Variants in NDST4 observed in about 807,000 individuals in gnomAD.
NDST4 encodes N-heparan sulfate sulfotransferase 4.
A neutral mutation model predicts 100.8 loss-of-function variants in NDST4; 63 were observed. The ratio of observed to expected loss-of-function variants is 0.62; its 90% CI spans 0.51 to 0.77. The LOEUF is 0.77. Ranked by LOEUF, NDST4 falls within the 30% of genes least tolerant of loss-of-function variation. The pLI, the probability that NDST4 is intolerant of heterozygous loss-of-function variation, is 0.00. For missense variants in NDST4, 943 were observed against 1,018.4 expected, an observed-to-expected ratio of 0.93 and a Z score of 1.01; for synonymous variants, 377 against 361.8, an observed-to-expected ratio of 1.04 and a Z score of -0.48.
At chr4:115,067,400 T>C (rs1578496052) in intron 2 of NDST4, among the ~76,000 whole-genome samples, 1 of 152,290 alleles carries the variant, frequency 6.6e-6, no homozygotes, top group Admixed American at 6.5e-5. Flanking sequence ...TTTATTATCA[T>C]AAAATATAGA....
At chr4:114,829,643 C>G (rs1723151776) in intron 13 of NDST4, 147 bp downstream of exon 13, 1 of 541,962 alleles carries the variant, frequency 1.8e-6, no homozygotes, top group East Asian at 3.1e-5. Context: ...TTCTATGTGT[C>G]AATTATCTCT....
intron 4 of NDST4, among the ~76,000 whole-genome samples, chr4:114,937,876 C>CGT (rs145639918): frequency 1.5e-5 from 2 of 134,224 alleles, no homozygotes; most frequent in Non-Finnish European, 3.1e-5. Flanking sequence ...TGCGTGTGTA[C>CGT]GTGTGTGTGT....
At position 114,996,831 on chromosome 4, in the gene NDST4, C is replaced by A. The variant is rs748190719; in HGVS notation, c.979-19557G>T. On this transcript the variant is annotated intron_variant, in intron 2 of 13. Transcript: ENST00000264363. ...ATGCAGGCAAAATTAGAAAATGATTCTAGATAATTTCTTTTTCATGTGTTC... is the reference window on the plus strand; with the variant it reads ...ATGCAGGCAAAATTAGAAAATGATTATAGATAATTTCTTTTTCATGTGTTC... Among the ~76,000 whole-genome samples, 3 of 151,990 alleles carry A rather than the reference C, an allele frequency of 2.0e-5. No individual in the cohort carries two copies. The East Asian group carries it at 5.8e-4, about 29-fold the overall frequency.
At chr4:115,017,310 G>A (rs745913476) in intron 2 of NDST4, among the ~76,000 whole-genome samples, 25 of 151,796 alleles carry the variant, frequency 1.6e-4, no homozygotes, top group Non-Finnish European at 4.4e-5. Flanking sequence ...TATACTTTGG[G>A]GTTCCACAGA....
At chr4:114,880,111 G>T (rs1724335161) in intron 6 of NDST4, among the ~76,000 whole-genome samples, 1 of 152,172 alleles carries the variant, frequency 6.6e-6, no homozygotes, top group African/African-American at 2.4e-5. Context: ...ACTGAGAACA[G>T]AAGGCTCCTG....
chr4:115,047,153 CACA>C (rs1728479400), intron 2 of NDST4, among the ~76,000 whole-genome samples: 2 of 152,076 alleles, frequency 1.3e-5, no homozygotes, highest in South Asian at 4.1e-4. Context: ...TTTGTTATAT[CACA>C]ACATTATCCA....
intron 10 of NDST4, among the ~76,000 whole-genome samples, chr4:114,843,986 A>T (rs920391906): frequency 2.4e-5 from 1 of 42,522 alleles, no homozygotes; most frequent in Non-Finnish European, 5.0e-5. Flanking sequence ...CTCCCACCCC[A>T]CCCCAACCCT....
At chr4:115,056,879 G>C (rs1318323749) in intron 2 of NDST4, among the ~76,000 whole-genome samples, 1 of 134,116 alleles carries the variant, frequency 7.5e-6, no homozygotes, top group Non-Finnish European at 1.7e-5. Flanking sequence ...TACGGTCAGA[G>C]ATCAATTTTG....
chr4:115,062,409 A>G (rs990876485), intron 2 of NDST4, among the ~76,000 whole-genome samples: 3 of 151,938 alleles, frequency 2.0e-5, no homozygotes, highest in Non-Finnish European at 4.4e-5. Context: ...ATAATAAATA[A>G]GGCCAGTATA....
At chr4:114,951,211 TTTAA>T (rs752177780) in intron 4 of NDST4, among the ~76,000 whole-genome samples, 12 of 152,094 alleles carry the variant, frequency 7.9e-5, no homozygotes, top group Admixed American at 4.6e-4. Flanking sequence ...GAATGAACAC[TTTAA>T]TTAATTTTTT....
chr4:115,071,598 A>G (rs573231205), intron 2 of NDST4, among the ~76,000 whole-genome samples: 33 of 152,274 alleles, frequency 2.2e-4, no homozygotes, highest in African/African-American at 7.9e-4. Flanking sequence ...TAAAATACCT[A>G]TTGAACACCT....
At chr4:115,093,337 T>C (rs1729557514) in intron 1 of NDST4, among the ~76,000 whole-genome samples, 1 of 151,934 alleles carries the variant, frequency 6.6e-6, no homozygotes, top group Non-Finnish European at 1.5e-5. Flanking sequence ...TAGCTGGGCG[T>C]GGTGGCGGGT....
chr4:115,066,224 A>G (rs1433491363), intron 2 of NDST4, among the ~76,000 whole-genome samples: 1 of 152,214 alleles, frequency 6.6e-6, no homozygotes, highest in Non-Finnish European at 1.5e-5. Flanking sequence ...AAAAGGTATT[A>G]CTGGTATGTA....
chr4:114,865,325 A>C, intron 7 of NDST4, among the ~76,000 whole-genome samples: 1 of 152,124 alleles, frequency 6.6e-6, no homozygotes, highest in East Asian at 1.9e-4. Context: ...GGCCTCCCAA[A>C]GTGCCGGGAT....
intron 8 of NDST4, among the ~76,000 whole-genome samples, chr4:114,849,226 C>T (rs759479988): frequency 3.9e-5 from 6 of 152,122 alleles, no homozygotes; most frequent in South Asian, 4.1e-4. Flanking sequence ...AGAGCCAGGC[C>T]GGAGACTGGC....
intron 6 of NDST4, among the ~76,000 whole-genome samples, chr4:114,890,443 T>TAA (rs1724569362): frequency 6.6e-6 from 1 of 152,088 alleles, no homozygotes; most frequent in Non-Finnish European, 1.5e-5. Flanking sequence ...TACTCCTTTA[T>TAA]AGGAAATACT....
At chr4:115,084,174 T>A (rs533204710) in intron 1 of NDST4, among the ~76,000 whole-genome samples, 1 of 152,160 alleles carries the variant, frequency 6.6e-6, no homozygotes, top group Non-Finnish European at 1.5e-5. Flanking sequence ...GAGGAACTTG[T>A]TGGGAACTGG....
chr4:114,960,785 C>T (rs1409895148), intron 4 of NDST4, among the ~76,000 whole-genome samples: 1 of 151,952 alleles, frequency 6.6e-6, no homozygotes, highest in Non-Finnish European at 1.5e-5. Flanking sequence ...AAGGAAGTAA[C>T]ACCAAATAGT....
At chr4:115,048,315 A>G (rs1356240091) in intron 2 of NDST4, among the ~76,000 whole-genome samples, 1 of 152,192 alleles carries the variant, frequency 6.6e-6, no homozygotes, top group Non-Finnish European at 1.5e-5. Context: ...TAGCATTTAC[A>G]TTTATAAAAA....
Sources: allele counts gnomAD v4.1 joint callset (sites outside exome capture counted in the v4.1 genomes callset), GRCh38; gene constraint gnomAD v4.1.1; transcripts MANE v1.5; gene names NCBI Gene and HGNC (gene_info 2026-07-23, HGNC 2026-07-21).